ATG7: variants seen among roughly 807,000 people sequenced by gnomAD.
ATG7 encodes ubiquitin-like modifier-activating enzyme ATG7.
ATG7 carries 70 observed loss-of-function variants against 82.4 expected under a neutral mutation model. The ratio of observed to expected loss-of-function variants is 0.85; its 90% CI spans 0.70 to 1.04. The LOEUF (loss-of-function observed/expected upper bound fraction) is 1.04. Among genes scored for constraint, ATG7 ranks in the 50% least tolerant of loss-of-function variants. ATG7 has a pLI of 0.00. For missense variants in ATG7, 792 were observed against 864.3 expected (o/e 0.92, Z 1.05); for synonymous variants, 287 against 313.0 (o/e 0.92, Z 0.88).
intron 20 of ATG7, among the ~76,000 whole-genome samples, chr3:11,511,076 G>A (rs2092027465): frequency 1.3e-5 from 2 of 152,186 alleles, no homozygotes; most frequent in African/African-American, 4.8e-5. Context: ...CGCGGTGAGT[G>A]TTACAGCTCA....
chr3:11,412,836 G>C (rs894784552), intron 19 of ATG7, among the ~76,000 whole-genome samples: 31 of 152,042 alleles, frequency 2.0e-4, no homozygotes, highest in Admixed American at 5.9e-4. Context: ...ATTTATTTAT[G>C]ATGGGGTGTA....
intron 4 of ATG7, 155 bp from the exon 5 acceptor site, chr3:11,299,207 A>G: frequency 3.0e-6 from 2 of 670,762 alleles, no homozygotes; most frequent in Admixed American, 2.7e-5. Context: ...CCATTTATCT[A>G]TCCATACATA....
chr3:11,462,825 G>C (rs2086450824), intron 20 of ATG7, among the ~76,000 whole-genome samples: 1 of 151,076 alleles, frequency 6.6e-6, no homozygotes, highest in African/African-American at 2.4e-5. Flanking sequence ...CAAGGGCCCT[G>C]GCTCCTCTCA....
intron 19 of ATG7, among the ~76,000 whole-genome samples, chr3:11,412,519 C>G (rs946457294): frequency 5.9e-5 from 9 of 152,010 alleles, no homozygotes; most frequent in African/African-American, 2.2e-4. Context: ...ATGAATATGT[C>G]TTGTCTTTAT....
intron 9 of ATG7, among the ~76,000 whole-genome samples, chr3:11,324,950 A>G (rs983156046): frequency 1.3e-5 from 2 of 152,246 alleles, no homozygotes; most frequent in Non-Finnish European, 2.9e-5. Context: ...TGGACCACAT[A>G]TACGGCAGTG....
At chr3:11,532,900 G>A (rs1204789725) in intron 20 of ATG7, among the ~76,000 whole-genome samples, 2 of 152,222 alleles carry the variant, frequency 1.3e-5, no homozygotes, top group African/African-American at 4.8e-5. Context: ...TGCTTTGGAG[G>A]AGGACCTGAG....
intron 19 of ATG7, among the ~76,000 whole-genome samples, chr3:11,413,636 T>A (rs2081115480): frequency 6.6e-6 from 1 of 152,222 alleles, no homozygotes; most frequent in Non-Finnish European, 1.5e-5. Flanking sequence ...TCAACACAGT[T>A]TACTGTTATT....
Position 11,426,702 on chromosome 3 carries a change from A to T in ATG7, c.1957-102A>T, listed in dbSNP as rs1351025488. 3 of 1,193,780 alleles carry T rather than the reference A, an allele frequency of 2.5e-6. No individual in the cohort carries two copies. The African/African-American group carries it at 4.7e-5, about 19-fold the overall frequency. The allele number at this position is 1,193,780 out of a possible 1,614,324, so 73.9% of individuals were successfully genotyped here. On this transcript the variant is annotated intron_variant, in intron 19 of 20. Coordinates refer to ENST00000693202, the MANE Select transcript of ATG7 (RefSeq NM_001349232.2). ...ATTATTATCCCCATGTTTAATTCTC[A>T]TTTTAATTTTATTTTTGACAAGAGC...
intron 20 of ATG7, among the ~76,000 whole-genome samples, chr3:11,520,246 C>G (rs930137744): frequency 6.6e-6 from 1 of 152,152 alleles, no homozygotes; most frequent in Non-Finnish European, 1.5e-5. Context: ...CTCCACACCT[C>G]GATATGCTCC....
In ATG7 at chr3:11,389,465, A is replaced by G. The variant is rs373744114; in HGVS notation, c.1956+9413A>G. 1.2e-4 allele frequency among the ~76,000 whole-genome samples: 18 copies of G among 147,966 alleles called. 1 individual carries two copies. The South Asian group carries it at 3.6e-3, about 30-fold the overall frequency. ...TTTTTTTTTTTTTTTTTAACACAGAATAAGCTACATGGTTCTCTTCTCTAG... is the reference window on the plus strand; with the variant it reads ...TTTTTTTTTTTTTTTTTAACACAGAGTAAGCTACATGGTTCTCTTCTCTAG... On this transcript the variant is annotated intron_variant, in intron 19 of 20. Coordinates refer to ENST00000693202, the MANE Select transcript of ATG7 (RefSeq NM_001349232.2).
intron 20 of ATG7, among the ~76,000 whole-genome samples, chr3:11,477,893 G>C (rs759478593): frequency 1.4e-4 from 21 of 152,142 alleles, no homozygotes; most frequent in Non-Finnish European, 2.5e-4. Flanking sequence ...AAACAGGCCT[G>C]ATATCAGTAG....
intron 5 of ATG7, among the ~76,000 whole-genome samples, chr3:11,301,487 T>A (rs1023393960): frequency 6.6e-6 from 1 of 152,172 alleles, no homozygotes; most frequent in Non-Finnish European, 1.5e-5. Context: ...TTTTTTCCCT[T>A]TATCTCAATC....
At chr3:11,461,314 T>C (rs888371619) in intron 20 of ATG7, among the ~76,000 whole-genome samples, 1 of 152,204 alleles carries the variant, frequency 6.6e-6, no homozygotes, top group African/African-American at 2.4e-5. Flanking sequence ...GTGATTGGGG[T>C]CAGAAATGGC....
rs770654475 is a variant in ATG7, at chr3:11,309,080, G to A, written c.411+19G>A. 1.2e-6 allele frequency: 2 copies of A among 1,603,432 alleles called. No individual in the cohort carries two copies. The highest frequency in any genetic ancestry group is 1.3e-5 in the African/African-American group (1 of 74,658). On this transcript the variant is annotated intron_variant, in intron 7 of 20. Coordinates refer to ENST00000693202, the MANE Select transcript of ATG7 (RefSeq NM_001349232.2). ...ATTTGCAGTAAGTAAATGGGCTCTC[G>A]GTTGCACCGAGGTTGGTGAAATCCC...
chr3:11,527,353 C>T (rs1048039357), intron 20 of ATG7, among the ~76,000 whole-genome samples: 6 of 152,126 alleles, frequency 3.9e-5, no homozygotes, highest in African/African-American at 1.4e-4. Flanking sequence ...CTCACCTTGG[C>T]CTCCCAAAGT....
intron 20 of ATG7, among the ~76,000 whole-genome samples, chr3:11,536,425 A>G (rs1240149031): frequency 6.6e-6 from 1 of 152,222 alleles, no homozygotes; most frequent in African/African-American, 2.4e-5. Context: ...TTCCCACAGC[A>G]GGACCAGCTC....
intron 18 of ATG7, among the ~76,000 whole-genome samples, chr3:11,372,833 T>C (rs79470496): frequency 0.57 from 69,800 of 122,330 alleles, 19,666 homozygotes; most frequent in East Asian, 0.65. Flanking sequence ...TGTGCGTGTG[T>C]GTGCGTGCGT....
chr3:11,395,617 A>G lies in ATG7; in HGVS notation c.1956+15565A>G, dbSNP rs141803606. Among the ~76,000 whole-genome samples the G allele has an allele frequency of 2.0e-3, 305 of 152,280 alleles. 4 individuals are homozygous for G. The highest frequency in any genetic ancestry group is 0.015 in the Admixed American group (235 of 15,296). ...GTGCTGAAGGAAAGAAACGCATCCC[A>G]CAATTTTAAACCCAGCAGATAATAC... On this transcript the variant is annotated intron_variant, in intron 19 of 20. Coordinates refer to ENST00000693202, the MANE Select transcript of ATG7 (RefSeq NM_001349232.2).
intron 19 of ATG7, among the ~76,000 whole-genome samples, chr3:11,400,203 A>G (rs1053522145): frequency 6.6e-6 from 1 of 152,192 alleles, no homozygotes; most frequent in Non-Finnish European, 1.5e-5. Context: ...CTGCTGGTAG[A>G]TCATATAACT....
Sources: allele counts gnomAD v4.1 joint callset (sites outside exome capture counted in the v4.1 genomes callset), GRCh38; gene constraint gnomAD v4.1.1; transcripts MANE v1.5; gene names NCBI Gene and HGNC (gene_info 2026-07-23, HGNC 2026-07-21).